The following AGBL4 variants were observed in gnomAD, a reference collection of about 807,000 sequenced individuals.
The protein encoded by AGBL4 is AGBL carboxypeptidase 4, also known as cytosolic carboxypeptidase 6.
A neutral mutation model predicts 66.4 loss-of-function variants in AGBL4; 58 were observed. The ratio of observed to expected loss-of-function variants is 0.87; its 90% confidence interval spans 0.71 to 1.09. AGBL4 has a LOEUF of 1.09. AGBL4 is among the 50% of genes least tolerant of loss of function. AGBL4 has a pLI of 0.00. For synonymous variants in AGBL4, 234 were observed against 222.9 expected, an observed-to-expected ratio of 1.05 and a Z score of -0.44; for missense variants, 579 against 631.0, an observed-to-expected ratio of 0.92 and a Z score of 0.88.
chr1:48,842,469 C>G (rs1276797304), intron 6 of AGBL4, among the ~76,000 whole-genome samples: 1 of 152,112 alleles, frequency 6.6e-6, no homozygotes, highest in Non-Finnish European at 1.5e-5. Context: ...CTTAAGTCTT[C>G]CCATGGATTA....
chr1:48,603,832 G>T (rs561489164), intron 9 of AGBL4, among the ~76,000 whole-genome samples: 2 of 152,060 alleles, frequency 1.3e-5, no homozygotes, highest in African/African-American at 2.4e-5. Flanking sequence ...AGGACTGAGC[G>T]CGGTAGCTCA....
intron 3 of AGBL4, among the ~76,000 whole-genome samples, chr1:49,607,715 T>C (rs932133335): frequency 6.6e-6 from 1 of 152,168 alleles, no homozygotes; most frequent in African/African-American, 2.4e-5. Flanking sequence ...CAGCTGGGTC[T>C]CACTGATCTC....
intron 6 of AGBL4, 96 bp from the exon 7 acceptor site, chr1:48,663,337 G>A (rs956125657): frequency 2.2e-5 from 25 of 1,145,940 alleles, no homozygotes; most frequent in Non-Finnish European, 3.0e-5. Flanking sequence ...GAATGGGCTG[G>A]ATGTTTTACA....
At chr1:49,162,188 C>A (rs1285265213) in intron 4 of AGBL4, among the ~76,000 whole-genome samples, 1 of 152,096 alleles carries the variant, frequency 6.6e-6, no homozygotes, top group Non-Finnish European at 1.5e-5. Context: ...AATATCATAA[C>A]ATACTATAAT....
intron 5 of AGBL4, among the ~76,000 whole-genome samples, chr1:48,936,191 G>T (rs1276871151): frequency 1.3e-5 from 2 of 151,310 alleles, no homozygotes; most frequent in African/African-American, 4.9e-5. Flanking sequence ...TTGGGAGGCG[G>T]AGGTAGGAGG....
chr1:49,731,713 A>AG (rs1278557558), intron 2 of AGBL4, among the ~76,000 whole-genome samples: 1 of 152,188 alleles, frequency 6.6e-6, no homozygotes, highest in Non-Finnish European at 1.5e-5. Flanking sequence ...ATAAAGGTGA[A>AG]GGGAAAAAAA....
At chr1:49,715,708 A>C (rs754478787) in intron 2 of AGBL4, among the ~76,000 whole-genome samples, 1 of 152,194 alleles carries the variant, frequency 6.6e-6, no homozygotes, top group African/African-American at 2.4e-5. Flanking sequence ...TCTAATGACC[A>C]GTGATGATGA....
chr1:49,368,989 C>T (rs991146387), intron 3 of AGBL4, among the ~76,000 whole-genome samples: 1 of 152,172 alleles, frequency 6.6e-6, no homozygotes, highest in African/African-American at 2.4e-5. Context: ...GCAGGAGAAT[C>T]GCTTGAACCT....
At chr1:49,765,186 CA>C (rs1346332226) in intron 2 of AGBL4, among the ~76,000 whole-genome samples, 1 of 152,074 alleles carries the variant, frequency 6.6e-6, no homozygotes, top group Non-Finnish European at 1.5e-5. Context: ...CTCGGCCCTT[CA>C]CCTGAAACAA....
At chr1:49,461,777 A>G (rs1384124483) in intron 3 of AGBL4, among the ~76,000 whole-genome samples, 2 of 151,566 alleles carry the variant, frequency 1.3e-5, no homozygotes, top group East Asian at 3.9e-4. Context: ...GTTTCATCCA[A>G]GTCCCTGCAA....
chr1:48,776,611 A>T lies in AGBL4; in HGVS notation c.634+90580T>A, dbSNP rs1201779222. On this transcript the variant is annotated intron_variant, in intron 6 of 13. Coordinates refer to ENST00000371839, the MANE Select transcript of AGBL4 (RefSeq NM_032785.4). ...CTCCCCGCCCGCTTGCTCACCTGCC[A>T]GCGCCAGGATCTGGGCCTTGTGGAG... 3 of 1,308,094 alleles carry T rather than the reference A, an allele frequency of 2.3e-6. 1 individual carries two copies. The highest frequency in any genetic ancestry group is 7.3e-5 in the Admixed American group (2 of 27,214). The allele number at this position is 1,308,094 out of a possible 1,614,324, so 81.0% of individuals were successfully genotyped here. A position where few individuals can be genotyped will look rare whatever the true frequency, so the allele number is the denominator to read the frequency against.
Position 49,593,135 on chromosome 1 carries a change from G to A in AGBL4, c.282+104178C>T, listed in dbSNP as rs145479216. On this transcript the variant is annotated intron_variant, in intron 3 of 13. Coordinates refer to ENST00000371839, the MANE Select transcript of AGBL4 (RefSeq NM_032785.4). ...AATAATGGGTAATACTAGGCTGGGC[G>A]CGGTGTCTCACGCCTGTAATCCCAG... Among the ~76,000 whole-genome samples, 59 of 152,260 alleles carry A rather than the reference G, an allele frequency of 3.9e-4. No individual in the cohort carries two copies. The East Asian group carries it at 0.01, about 27-fold the overall frequency.
intron 1 of AGBL4, among the ~76,000 whole-genome samples, chr1:49,857,486 C>G (rs1646464282): frequency 6.6e-6 from 1 of 151,910 alleles, no homozygotes; most frequent in Admixed American, 6.6e-5. Context: ...AACAAAAAGC[C>G]ATAATAGTCA....
chr1:49,692,866 T>C (rs1646916666), intron 3 of AGBL4, among the ~76,000 whole-genome samples: 1 of 152,204 alleles, frequency 6.6e-6, no homozygotes, highest in South Asian at 2.1e-4. Context: ...GTTAAACACT[T>C]CTTTTTTTAA....
At position 48,736,705 on chromosome 1, in the gene AGBL4, C is replaced by T. The variant is rs1649115285; in HGVS notation, c.635-73464G>A. On this transcript the variant is annotated intron_variant, in intron 6 of 13. Coordinates refer to ENST00000371839, the MANE Select transcript of AGBL4 (RefSeq NM_032785.4). The surrounding 1 kb of genome is among the most constrained non-coding windows in gnomAD (Gnocchi z 4.0). ...ATTGTGGATAGAAGGCATTATAACA[C>T]CATTTTCCTTTCAGATGGAAACACC... Among the ~76,000 whole-genome samples, 1 of 152,166 alleles carries T rather than the reference C, an allele frequency of 6.6e-6. No homozygotes were observed. The highest frequency in any genetic ancestry group is 2.4e-5 in the African/African-American group (1 of 41,414).
chr1:49,090,367 C>G (rs536922870), intron 4 of AGBL4, among the ~76,000 whole-genome samples: 2 of 152,242 alleles, frequency 1.3e-5, no homozygotes, highest in South Asian at 4.1e-4. Flanking sequence ...GCTCCTAGAT[C>G]TGACAAACAA....
At chr1:48,829,549 G>A (rs1271390830) in intron 6 of AGBL4, among the ~76,000 whole-genome samples, 1 of 152,144 alleles carries the variant, frequency 6.6e-6, no homozygotes, top group East Asian at 1.9e-4. Context: ...TGGGGTGAAG[G>A]AGGGGATCAA....
Position 48,735,892 on chromosome 1 carries a change from G to A in AGBL4, c.635-72651C>T, listed in dbSNP as rs151095062. Among the ~76,000 whole-genome samples the A allele has an allele frequency of 1.4e-4, 21 of 152,170 alleles. No homozygotes were observed. In the East Asian group the frequency reaches 2.9e-3, roughly 21 times the overall value. On this transcript the variant is annotated intron_variant, in intron 6 of 13. Coordinates refer to ENST00000371839, the MANE Select transcript of AGBL4 (RefSeq NM_032785.4). ...ACACATCTGTGTCTCCTAGTCTGCC[G>A]TATTCTTCAAGGCCCAGTTCAGTGA...
chr1:48,640,309 T>C (rs1433610470), intron 8 of AGBL4, among the ~76,000 whole-genome samples: 1 of 152,202 alleles, frequency 6.6e-6, no homozygotes, highest in Non-Finnish European at 1.5e-5. Flanking sequence ...GTGAACTCCA[T>C]GAGGGCAGGG....
Sources: allele counts gnomAD v4.1 joint callset (sites outside exome capture counted in the v4.1 genomes callset), GRCh38; gene constraint gnomAD v4.1.1; non-coding constraint Gnocchi (gnomAD v3.1); transcripts MANE v1.5; gene names NCBI Gene and HGNC (gene_info 2026-07-23, HGNC 2026-07-21).